Variants in CHCHD6 observed in about 807,000 individuals in gnomAD.
CHCHD6 encodes the protein MICOS complex subunit MIC25.
Under a neutral mutation model 32.3 loss-of-function variants are expected in CHCHD6, and 28 were observed. That is an observed-to-expected ratio of 0.87 (90% CI 0.64 to 1.19). The LOEUF (loss-of-function observed/expected upper bound fraction) is 1.19. Ranked by LOEUF, CHCHD6 falls within the 50% of genes most tolerant of loss-of-function variation. The pLI is 0.00. For missense variants in CHCHD6, 333 were observed against 307.0 expected, an observed-to-expected ratio of 1.08 and a Z score of -0.63; for synonymous variants, 122 against 117.5, an observed-to-expected ratio of 1.04 and a Z score of -0.25.
chr3:126,760,800 G>A (rs1209459616), intron 4 of CHCHD6, among the ~76,000 whole-genome samples: 2 of 152,012 alleles, frequency 1.3e-5, no homozygotes, highest in South Asian at 2.1e-4. Context: ...GAACAAGAGA[G>A]TGCAAATATC....
intron 6 of CHCHD6, among the ~76,000 whole-genome samples, chr3:126,944,720 T>TA (rs1253154253): frequency 9.9e-5 from 15 of 152,140 alleles, no homozygotes; most frequent in African/African-American, 3.6e-4. Flanking sequence ...GAAGGGCAGG[T>TA]AACCTTCAGG....
intron 4 of CHCHD6, among the ~76,000 whole-genome samples, chr3:126,758,071 T>C (rs1390178770): frequency 6.6e-6 from 1 of 152,248 alleles, no homozygotes. Context: ...GGGCAAGCCC[T>C]CTGTGGCCCG....
At chr3:126,717,290 A>G (rs1417506102) in intron 1 of CHCHD6, among the ~76,000 whole-genome samples, 2 of 152,202 alleles carry the variant, frequency 1.3e-5, no homozygotes, top group Admixed American at 1.3e-4. Context: ...ACTCAGTTAC[A>G]ATCACAACTC....
intron 5 of CHCHD6, among the ~76,000 whole-genome samples, chr3:126,864,977 T>TTC (rs1942214635): frequency 8.7e-6 from 1 of 114,494 alleles, no homozygotes; most frequent in Admixed American, 8.4e-5. Context: ...ACCTCCATCA[T>TTC]CACCACTACC....
intron 4 of CHCHD6, among the ~76,000 whole-genome samples, chr3:126,736,339 G>A (rs919609506): frequency 1.3e-5 from 2 of 152,186 alleles, no homozygotes; most frequent in African/African-American, 4.8e-5. Context: ...AGGAGGGTTG[G>A]TCCTGAGATG....
At chr3:126,875,707 C>G (rs1278483028) in intron 5 of CHCHD6, among the ~76,000 whole-genome samples, 1 of 152,208 alleles carries the variant, frequency 6.6e-6, no homozygotes, top group Non-Finnish European at 1.5e-5. Flanking sequence ...GGTTTAGACT[C>G]TAACCCGGGG....
rs114166745 is a variant in CHCHD6, at chr3:126,769,487, G to T, written c.411+36265G>T. 9.6e-3 allele frequency among the ~76,000 whole-genome samples: 1,466 copies of T among 152,130 alleles called. 23 individuals carry two copies. Among genetic ancestry groups the T allele is most frequent in the African/African-American group, 0.034 (1,400 of 41,524 alleles). ...TTGTTCTTTTTGCTTAGGATTGCCT[G>T]GGCTATTTGGGCTCTTTTTTTCTTT... On this transcript the variant is annotated intron_variant, in intron 4 of 7. Transcript: ENST00000290913.
At position 126,838,384 on chromosome 3, in the gene CHCHD6, T is replaced by C. The variant is rs559994293; in HGVS notation, c.412-14263T>C. 2.6e-5 allele frequency among the ~76,000 whole-genome samples: 4 copies of C among 152,280 alleles called. No individual in the cohort carries two copies. In the South Asian group the frequency reaches 8.3e-4, roughly 32 times the overall value. Reference sequence around the variant, plus strand: ...GGAAGATGACCCTAGAGAAGCAGCCTCTCCTGATTTTTCTGTGCCTTTGAA... The same window carrying C: ...GGAAGATGACCCTAGAGAAGCAGCCCCTCCTGATTTTTCTGTGCCTTTGAA... On this transcript the variant is annotated intron_variant, in intron 4 of 7. Transcript: ENST00000290913.
At chr3:126,864,545 A>ACCTCCTCCT (rs922012066) in intron 5 of CHCHD6, among the ~76,000 whole-genome samples, 1 of 112,072 alleles carries the variant, frequency 8.9e-6, no homozygotes, top group Non-Finnish European at 1.9e-5. Flanking sequence ...CTCCTTCTCC[A>ACCTCCTCCT]CCTCCTCCTC....
At chr3:126,867,584 C>T (rs2107565324) in intron 5 of CHCHD6, among the ~76,000 whole-genome samples, 1 of 152,330 alleles carries the variant, frequency 6.6e-6, no homozygotes, top group East Asian at 1.9e-4. Context: ...TCTTCTCTGT[C>T]CAGCCTTGAT....
intron 7 of CHCHD6, among the ~76,000 whole-genome samples, chr3:126,958,792 G>C (rs1245952798): frequency 6.6e-6 from 1 of 152,196 alleles, no homozygotes. Flanking sequence ...TGCTCACTCT[G>C]CTTCCACGTG....
chr3:126,806,148 C>G (rs1228211435), intron 4 of CHCHD6, among the ~76,000 whole-genome samples: 90 of 133,940 alleles, frequency 6.7e-4, no homozygotes, highest in South Asian at 2.5e-3. Flanking sequence ...TGGGCAAGGA[C>G]TTCATGTCTA....
At chr3:126,901,015 C>T (rs955980378) in intron 5 of CHCHD6, among the ~76,000 whole-genome samples, 1 of 152,136 alleles carries the variant, frequency 6.6e-6, no homozygotes, top group East Asian at 1.9e-4. Context: ...ACACCCCCCC[C>T]AGGCCCTACC....
chr3:126,766,751 C>T lies in CHCHD6; in HGVS notation c.411+33529C>T, dbSNP rs2107674889. ...ACTGCTTTTGGGTATGTGGTAGATT[C>T]ACGGGAGGTGTTGGTGGCCCCCTGG... On this transcript the variant is annotated intron_variant, in intron 4 of 7. Coordinates refer to ENST00000290913, the MANE Select transcript of CHCHD6 (RefSeq NM_032343.3). The T allele has an allele frequency of 7.9e-6, 9 of 1,144,058 alleles. No individual in the cohort carries two copies. In the South Asian group the frequency reaches 1.1e-4, roughly 14 times the overall value. The allele number at this position is 1,144,058 out of a possible 1,614,324, so 70.9% of individuals were successfully genotyped here.
chr3:126,800,810 C>T (rs1939026950), intron 4 of CHCHD6, among the ~76,000 whole-genome samples: 1 of 152,172 alleles, frequency 6.6e-6, no homozygotes, highest in Non-Finnish European at 1.5e-5. Context: ...AACCACAGCC[C>T]TACAGGAGAT....
rs749295325 is a variant in CHCHD6, at chr3:126,704,363, C to T, written c.51C>T (p.Asp17=). 5 of 1,585,944 alleles carry T rather than the reference C, an allele frequency of 3.2e-6. No homozygotes were observed. Among genetic ancestry groups the T allele is most frequent in the South Asian group, 1.1e-5 (1 of 87,700 alleles). ...GCCGCAGGGTGTCCTTCGGAGTGGA[C>T]GAGGAGGAGCGGGTCCGGGTGCTGC... The part of the protein sequence containing the change: ...SEGRRVSFGV[D]EEERVRVLQG... Residue 17 remains aspartate (D), a synonymous_variant, in exon 1 of 8, where the codon GAC becomes GAT. Coordinates refer to ENST00000290913, the MANE Select transcript of CHCHD6 (RefSeq NM_032343.3).
At chr3:126,899,363 G>A (rs1371165902) in intron 5 of CHCHD6, among the ~76,000 whole-genome samples, 4 of 152,204 alleles carry the variant, frequency 2.6e-5, no homozygotes, top group African/African-American at 7.2e-5. Flanking sequence ...AGCTTGAATG[G>A]ATAGTGAATG....
intron 4 of CHCHD6, among the ~76,000 whole-genome samples, chr3:126,845,829 G>A (rs1207473477): frequency 1.3e-5 from 2 of 152,002 alleles, no homozygotes; most frequent in African/African-American, 4.8e-5. Flanking sequence ...AGTGAAACTG[G>A]TAGAATAAGG....
intron 6 of CHCHD6, among the ~76,000 whole-genome samples, chr3:126,953,598 CTATGGG>C (rs2078746197): frequency 9.2e-5 from 14 of 152,248 alleles, no homozygotes; most frequent in African/African-American, 3.1e-4. Flanking sequence ...TTCTGTTCTT[CTATGGG>C]GCAAGCGGTG....
Sources: gnomAD v4.1 joint callset for allele counts (sites outside exome capture counted in the v4.1 genomes callset) on GRCh38, gnomAD v4.1.1 for gene constraint, MANE v1.5 for transcripts, NCBI Gene and HGNC (gene_info 2026-07-23, HGNC 2026-07-21) for gene names.